The following UBN2 variants were observed in gnomAD, a reference collection of about 807,000 sequenced individuals.
UBN2 encodes ubinuclein 2, also known as ubinuclein-2.
A neutral mutation model predicts 120.2 loss-of-function variants in UBN2; 35 were observed. The ratio of observed to expected loss-of-function variants is 0.29; its 90% CI spans 0.22 to 0.39. UBN2 has a LOEUF of 0.39. Among genes scored for constraint, UBN2 ranks in the 10% least tolerant of loss-of-function variants. UBN2 has a pLI of 1.00. For missense variants in UBN2, 1,693 were observed against 1,663.2 expected (o/e 1.02, Z -0.31); for synonymous variants, 661 against 648.7 (o/e 1.02, Z -0.29).
At position 139,231,726 on chromosome 7, in the gene UBN2, A is replaced by T; in HGVS notation, c.242A>T (p.Glu81Val). ...PLPQREVSRA[E>V]PPMSLQREPP... is the part of the protein sequence containing the mutation. ...CCCCAGCGCGAGGTCAGCCGCGCCG[A>T]GCCGCCCATGTCGCTGCAGCGGGAG... is the stretch of plus-strand genomic sequence containing the variant. The change falls in exon 1 of 18, where the codon GAG becomes GTG. Residue 81 changes from glutamate to valine, a missense_variant. Glu to Val is a moderately radical substitution (Grantham distance 121). This residue lies in a region of UBN2 where 663 missense variants were observed against 591.2 expected (regional missense o/e 1.12). Transcript: ENST00000473989. The T allele has an allele frequency of 8.4e-7, 1 of 1,188,438 alleles. No individual in the cohort carries two copies. Among genetic ancestry groups the T allele is most frequent in the Non-Finnish European group, 1.0e-6 (1 of 963,536 alleles). 73.6% of individuals were successfully genotyped at this position (1,188,438 alleles called of 1,614,324 possible). A position where few individuals can be genotyped will look rare whatever the true frequency, so the allele number is the denominator to read the frequency against.
chr7:139,243,640 A>T lies in UBN2; in HGVS notation c.561+6543A>T, dbSNP rs1321368812. Reference sequence around the variant, plus strand: ...ACAGTTAGGGAACTGGAGGGTGGAGAATAGATATGGGGTGGTAAGGCAGGA... The same window carrying T: ...ACAGTTAGGGAACTGGAGGGTGGAGTATAGATATGGGGTGGTAAGGCAGGA... On this transcript the variant is annotated intron_variant, in intron 2 of 17. Transcript: ENST00000473989. Among the ~76,000 whole-genome samples, 7 of 152,156 alleles carry T rather than the reference A, an allele frequency of 4.6e-5. No homozygotes were observed. In the East Asian group the frequency reaches 1.3e-3, roughly 29 times the overall value.
chr7:139,244,480 TG>T (rs1272082429), intron 2 of UBN2, among the ~76,000 whole-genome samples: 1 of 152,114 alleles, frequency 6.6e-6, no homozygotes, highest in Non-Finnish European at 1.5e-5. Flanking sequence ...AAGACCAGCC[TG>T]GGCAACATAG....
chr7:139,258,980 G>C (rs1263132844), intron 4 of UBN2, among the ~76,000 whole-genome samples: 1 of 152,152 alleles, frequency 6.6e-6, no homozygotes, highest in African/African-American at 2.4e-5. Context: ...CTTTGGGAAA[G>C]ATATAGTGTC....
chr7:139,325,690 C>T, the UBN2 span, among the ~76,000 whole-genome samples: 1 of 152,202 alleles, frequency 6.6e-6, no homozygotes, highest in Non-Finnish European at 1.5e-5. Context: ...ACCAAAATCT[C>T]CCCCCAGTTA....
chr7:139,294,548 T>A (rs1341582276), intron 17 of UBN2, among the ~76,000 whole-genome samples: 1 of 152,184 alleles, frequency 6.6e-6, no homozygotes, highest in Non-Finnish European at 1.5e-5. Flanking sequence ...GAGATGAAAT[T>A]AATATGATCC....
At chr7:139,274,185 A>G in intron 11 of UBN2, 111 bp downstream of exon 11, 2 of 1,098,352 alleles carry the variant, frequency 1.8e-6, no homozygotes, top group Non-Finnish European at 2.5e-6. Context: ...AACCTAATAT[A>G]TTCAGCATGC....
chr7:139,321,207 T>G, the UBN2 span, among the ~76,000 whole-genome samples: 57 of 152,296 alleles, frequency 3.7e-4, 3 homozygotes, highest in African/African-American at 1.3e-3. Flanking sequence ...GTAAAACTGT[T>G]AGCTCCACAT....
At chr7:139,239,343 A>G (rs947253009) in intron 2 of UBN2, among the ~76,000 whole-genome samples, 7 of 151,882 alleles carry the variant, frequency 4.6e-5, no homozygotes, top group Non-Finnish European at 8.8e-5. Flanking sequence ...CAGTCCCCAA[A>G]TGATTTAGGT....
At chr7:139,293,865 C>T (rs941880283) in intron 16 of UBN2, 24 bp from the exon 17 acceptor site, 1 of 1,607,362 alleles carries the variant, frequency 6.2e-7, no homozygotes, top group Non-Finnish European at 8.5e-7. Context: ...TTAAAGATGA[C>T]TGACAAGTCT....
chr7:139,296,672 G>A (rs1442905984), intron 17 of UBN2, among the ~76,000 whole-genome samples: 1 of 152,118 alleles, frequency 6.6e-6, no homozygotes, highest in African/African-American at 2.4e-5. Flanking sequence ...ATTTAGTTGA[G>A]GCTTAAATGA....
intron 7 of UBN2, among the ~76,000 whole-genome samples, chr7:139,267,127 A>T (rs1402550570): frequency 1.3e-5 from 2 of 152,232 alleles, no homozygotes; most frequent in African/African-American, 2.4e-5. Context: ...ATATAATTGG[A>T]TGCAGAACTG....
In UBN2 at chr7:139,300,994, G is replaced by A. The variant is rs1459119316; in HGVS notation, c.*3158G>A. The A allele has an allele frequency of 1.3e-5, 2 of 152,152 alleles. No homozygotes were observed. Among genetic ancestry groups the A allele is most frequent in the African/African-American group, 4.8e-5 (2 of 41,428 alleles). The allele number at this position is 152,152 out of a possible 1,614,324, so 9.4% of individuals were successfully genotyped here. On this transcript the variant is annotated 3_prime_UTR_variant, in exon 18 of 18. Coordinates refer to ENST00000473989, the MANE Select transcript of UBN2 (RefSeq NM_173569.4). Reference sequence around the variant, plus strand: ...GATTTTAAAACAGCCTGAAGAAAAAGGTTTTGGGAAAGGAAATGAGGCTAA... The same window carrying A: ...GATTTTAAAACAGCCTGAAGAAAAAAGTTTTGGGAAAGGAAATGAGGCTAA...
Position 139,282,003 on chromosome 7 carries a change from AG to A in UBN2, c.2068del, listed in dbSNP as rs1181279924. 6.2e-7 allele frequency: 1 copy of A among 1,613,160 alleles called. No individual in the cohort carries two copies. The highest frequency in any genetic ancestry group is 1.3e-5 in the African/African-American group (1 of 74,918). ...TAACAGCTTGCTTATGTAATACCTT[AG>A]GAGGTGATGGTAAAGACCCTTCCTC... On this transcript the variant is annotated splice_acceptor_variant, in intron 13 of 17. Coordinates refer to ENST00000473989, the MANE Select transcript of UBN2 (RefSeq NM_173569.4). LOFTEE classifies it high-confidence loss of function.
chr7:139,232,081 G>A (rs1220673758), intron 1 of UBN2, 129 bp downstream of exon 1: 4 of 844,906 alleles, frequency 4.7e-6, no homozygotes, highest in South Asian at 1.8e-5. Flanking sequence ...GGTGCGGGGG[G>A]CCGGGGCCGA....
At position 139,300,223 on chromosome 7, in the gene UBN2, T is replaced by C. The variant is rs1798221506; in HGVS notation, c.*2387T>C. ...GATTCTTCTGTGTTCTCTTTAGTCT[T>C]GATTCCTTGAGGACTACTGTCAGAT... On this transcript the variant is annotated 3_prime_UTR_variant, in exon 18 of 18. Coordinates refer to ENST00000473989, the MANE Select transcript of UBN2 (RefSeq NM_173569.4). 1.3e-5 allele frequency: 2 copies of C among 152,304 alleles called. No individual in the cohort carries two copies. The highest frequency in any genetic ancestry group is 3.4e-3 in the Middle Eastern group (1 of 294). 9.4% of individuals were successfully genotyped at this position (152,304 alleles called of 1,614,324 possible).
In UBN2 at chr7:139,306,667, C is replaced by T. The variant is rs1171975411; in HGVS notation, c.*8831C>T. 6.6e-6 allele frequency: 1 copy of T among 152,212 alleles called. No individual in the cohort carries two copies. Among genetic ancestry groups the T allele is most frequent in the Non-Finnish European group, 1.5e-5 (1 of 68,038 alleles). 9.4% of individuals were successfully genotyped at this position (152,212 alleles called of 1,614,324 possible). ...TTTGCACTGCCCTTTTGTTGATTGT[C>T]ATTGAAAACTTACTTTATTTCAGAA... On this transcript the variant is annotated 3_prime_UTR_variant, in exon 18 of 18. Transcript: ENST00000473989.
At chr7:139,265,238 G>A (rs753356659) in intron 6 of UBN2, among the ~76,000 whole-genome samples, 32 of 152,086 alleles carry the variant, frequency 2.1e-4, no homozygotes, top group Non-Finnish European at 1.0e-4. Flanking sequence ...GCCCACACCT[G>A]TAATCCCAGC....
chr7:139,247,162 A>C (rs1196398515), intron 2 of UBN2, among the ~76,000 whole-genome samples: 1 of 152,064 alleles, frequency 6.6e-6, no homozygotes, highest in South Asian at 2.1e-4. Context: ...AAGGAAAAAA[A>C]AAAAACAAAA....
At chr7:139,245,073 A>G (rs1478692056) in intron 2 of UBN2, among the ~76,000 whole-genome samples, 3 of 148,208 alleles carry the variant, frequency 2.0e-5, no homozygotes, top group African/African-American at 7.5e-5. Flanking sequence ...AGCTGGGACT[A>G]CAGGCACGCA....
Sources: allele counts gnomAD v4.1 joint callset (sites outside exome capture counted in the v4.1 genomes callset), GRCh38; gene constraint gnomAD v4.1.1; regional missense constraint gnomAD v4.1.1; transcripts MANE v1.5; gene names NCBI Gene and HGNC (gene_info 2026-07-23, HGNC 2026-07-21).